Variants in ZNF385D observed in about 807,000 individuals in gnomAD.
The protein encoded by ZNF385D is zinc finger protein 659.
Under a neutral mutation model 35.8 loss-of-function variants are expected in ZNF385D, and 15 were observed. The ratio of observed to expected loss-of-function variants is 0.42; its 90% CI spans 0.28 to 0.64. The LOEUF (loss-of-function observed/expected upper bound fraction) is 0.64. Among genes scored for constraint, ZNF385D ranks in the 30% least tolerant of loss-of-function variants. ZNF385D has a pLI of 0.23. For synonymous variants in ZNF385D, 212 were observed against 186.8 expected, an observed-to-expected ratio of 1.13 and a Z score of -1.10; for missense variants, 474 against 494.6, an observed-to-expected ratio of 0.96 and a Z score of 0.39.
At chr3:22,337,000 C>G (rs1313131970) in intron 2 of ZNF385D, among the ~76,000 whole-genome samples, 1 of 131,576 alleles carries the variant, frequency 7.6e-6, no homozygotes, top group African/African-American at 2.8e-5. Flanking sequence ...TACTAGTTTT[C>G]TTTATATAAA....
At chr3:21,475,225 G>A (rs937643234) in intron 4 of ZNF385D, among the ~76,000 whole-genome samples, 2 of 151,928 alleles carry the variant, frequency 1.3e-5, no homozygotes, top group African/African-American at 4.8e-5. Context: ...TTAAAAGTAA[G>A]GGTAAAACCC....
At position 21,771,209 on chromosome 3, in the gene ZNF385D, T is replaced by C. The variant is rs2071063762; in HGVS notation, c.326-106181A>G. 2.0e-5 allele frequency among the ~76,000 whole-genome samples: 3 copies of C among 151,774 alleles called. No homozygotes were observed. In the East Asian group the frequency reaches 5.9e-4, roughly 30 times the overall value. ...ACATATGTGACAAACCTGCACGTTG[T>C]GGACATGTACCCTAGAACTTAAAGT... On this transcript the variant is annotated intron_variant, in intron 3 of 5. Coordinates refer to the ZNF385D transcript ENST00000494108.
intron 2 of ZNF385D, among the ~76,000 whole-genome samples, chr3:22,327,877 C>CT (rs2125455367): frequency 6.6e-6 from 1 of 152,280 alleles, no homozygotes; most frequent in African/African-American, 2.4e-5. Context: ...TTCATTTTGT[C>CT]TGTTTCAACA....
intron 2 of ZNF385D, among the ~76,000 whole-genome samples, chr3:22,305,034 T>G (rs1032948288): frequency 2.0e-5 from 3 of 152,138 alleles, no homozygotes; most frequent in Non-Finnish European, 4.4e-5. Context: ...ACTTTTGCAT[T>G]TTTAATCTCC....
At chr3:22,335,697 C>T (rs1004900349) in intron 2 of ZNF385D, among the ~76,000 whole-genome samples, 6 of 151,954 alleles carry the variant, frequency 3.9e-5, no homozygotes, top group Admixed American at 1.3e-4. Context: ...TTATGTGTGT[C>T]GAAGTAAAAC....
intron 3 of ZNF385D, among the ~76,000 whole-genome samples, chr3:21,890,652 GA>G (rs1698804896): frequency 6.6e-6 from 1 of 151,754 alleles, no homozygotes; most frequent in Non-Finnish European, 1.5e-5. Context: ...GAAGAGAAGA[GA>G]AAAAAGGTAA....
chr3:22,050,191 T>C (rs565033483), intron 3 of ZNF385D, among the ~76,000 whole-genome samples: 85 of 150,542 alleles, frequency 5.6e-4, no homozygotes, highest in African/African-American at 1.7e-3. Context: ...AAAAGGAAGA[T>C]TGGGTTTAAA....
At chr3:22,313,732 T>C (rs760474098) in intron 2 of ZNF385D, among the ~76,000 whole-genome samples, 11 of 152,180 alleles carry the variant, frequency 7.2e-5, no homozygotes, top group Non-Finnish European at 1.2e-4. Flanking sequence ...CGGCTGTTAC[T>C]ACAGAAAGTG....
chr3:22,115,308 C>T lies in ZNF385D; in HGVS notation c.325+53509G>A, dbSNP rs533241900. 1.0e-3 allele frequency among the ~76,000 whole-genome samples: 153 copies of T among 152,082 alleles called. 5 individuals carry two copies. In the South Asian group the frequency reaches 0.031, roughly 31 times the overall value. On this transcript the variant is annotated intron_variant, in intron 3 of 5. Coordinates refer to the ZNF385D transcript ENST00000494108. ...AGAGACTTTGCCTTTGTGAAGTTTC[C>T]AGTAAAATGGGTAAACTTTGGAAAT...
At chr3:22,096,789 T>C (rs937356204) in intron 3 of ZNF385D, among the ~76,000 whole-genome samples, 1 of 152,108 alleles carries the variant, frequency 6.6e-6, no homozygotes, top group Non-Finnish European at 1.5e-5. Flanking sequence ...TATTGATATC[T>C]GCGGAGTTTT....
rs11390309 is a variant in ZNF385D at position 21,444,080 on chromosome 3, C to CTT, written c.440-6879_440-6878dup. ...AAAAATTTAACTTCTGGATTTCCCT[C>CTT]TTTTTTTTTTTTTTTTTGAGACAGA... On this transcript the variant is annotated intron_variant, in intron 4 of 7. Coordinates refer to ENST00000281523, the MANE Select transcript of ZNF385D (RefSeq NM_024697.3). 3.8e-4 allele frequency among the ~76,000 whole-genome samples: 50 copies of CTT among 132,666 alleles called. 1 individual carries two copies. Among genetic ancestry groups the CTT allele is most frequent in the African/African-American group, 4.9e-4 (17 of 34,614 alleles). 87.0% of individuals were successfully genotyped at this position (132,666 alleles called of 152,430 possible).
At chr3:21,708,976 C>G (rs1289195399) in intron 1 of ZNF385D, among the ~76,000 whole-genome samples, 1 of 151,998 alleles carries the variant, frequency 6.6e-6, no homozygotes. Context: ...AGGTTTGTTT[C>G]GAAAGCTTCC....
chr3:21,998,539 A>G (rs998597374), intron 3 of ZNF385D, among the ~76,000 whole-genome samples: 17 of 152,210 alleles, frequency 1.1e-4, no homozygotes, highest in African/African-American at 4.1e-4. Context: ...TAAACATCAT[A>G]GGAATTTCTT....
At chr3:21,959,609 A>T (rs577324706) in intron 3 of ZNF385D, among the ~76,000 whole-genome samples, 1 of 152,266 alleles carries the variant, frequency 6.6e-6, no homozygotes, top group East Asian at 1.9e-4. Context: ...GTTCAGACAC[A>T]ATGCAAGGAG....
chr3:21,845,201 G>T (rs1695928162), intron 3 of ZNF385D, among the ~76,000 whole-genome samples: 2 of 151,846 alleles, frequency 1.3e-5, no homozygotes, highest in South Asian at 2.1e-4. Flanking sequence ...CTGCAAATTT[G>T]CTGCCTCTTA....
chr3:21,984,281 G>T (rs900484792), intron 3 of ZNF385D, among the ~76,000 whole-genome samples: 1 of 146,326 alleles, frequency 6.8e-6, no homozygotes, highest in Non-Finnish European at 1.5e-5. Flanking sequence ...GTTTCTTCTA[G>T]GGTTTTTATG....
At chr3:21,752,423 G>T (rs949618042), upstream of ZNF385D, among the ~76,000 whole-genome samples, 8 of 151,882 alleles carry the variant, frequency 5.3e-5, no homozygotes, top group African/African-American at 1.7e-4. Flanking sequence ...TCTACATTTT[G>T]ATATTAAAAT....
At chr3:22,066,027 T>C (rs1193169156) in intron 3 of ZNF385D, among the ~76,000 whole-genome samples, 1 of 152,126 alleles carries the variant, frequency 6.6e-6, no homozygotes, top group Non-Finnish European at 1.5e-5. Flanking sequence ...AATAAGACCG[T>C]TCTTACAACT....
chr3:21,882,999 C>G (rs1011824055), intron 3 of ZNF385D, among the ~76,000 whole-genome samples: 2 of 151,846 alleles, frequency 1.3e-5, no homozygotes, highest in African/African-American at 4.8e-5. Flanking sequence ...TTGAACAAAC[C>G]CTCATTAAAA....
Sources: gnomAD v4.1 joint callset for allele counts (sites outside exome capture counted in the v4.1 genomes callset) on GRCh38, gnomAD v4.1.1 for gene constraint, MANE v1.5 for transcripts, NCBI Gene and HGNC (gene_info 2026-07-23, HGNC 2026-07-21) for gene names.